DLGAP2: variants seen among roughly 807,000 people sequenced by gnomAD.
DLGAP2 encodes DLG associated protein 2, also known as disks large-associated protein 2.
DLGAP2 carries 26 observed loss-of-function variants against 100.3 expected under a neutral mutation model. The ratio of observed to expected loss-of-function variants is 0.26; its 90% CI spans 0.19 to 0.36. DLGAP2 has a LOEUF of 0.36. DLGAP2 is among the 10% of genes least tolerant of loss of function. DLGAP2 has a pLI of 1.00. For synonymous variants in DLGAP2, 886 were observed against 630.1 expected, an observed-to-expected ratio of 1.41 and a Z score of -6.08; for missense variants, 1,858 against 1,453.2, an observed-to-expected ratio of 1.28 and a Z score of -4.53.
intron 1 of DLGAP2, among the ~76,000 whole-genome samples, chr8:771,229 G>T (rs1477956411): frequency 6.6e-6 from 1 of 152,178 alleles, no homozygotes; most frequent in Non-Finnish European, 1.5e-5. Flanking sequence ...ACTTGCAAAT[G>T]TCCTTAAGAA....
At chr8:1,049,054 A>G (rs1437463522) in intron 2 of DLGAP2, among the ~76,000 whole-genome samples, 1 of 152,242 alleles carries the variant, frequency 6.6e-6, no homozygotes, top group Non-Finnish European at 1.5e-5. Flanking sequence ...TGTGTCTGTC[A>G]TTGACCAGTT....
At chr8:1,423,487 C>T (rs1007418820) in intron 3 of DLGAP2, among the ~76,000 whole-genome samples, 1 of 152,244 alleles carries the variant, frequency 6.6e-6, no homozygotes, top group Non-Finnish European at 1.5e-5. Flanking sequence ...GCTCCATGCA[C>T]TTCTGGCACC....
At chr8:776,731 C>G (rs1348407502) in intron 1 of DLGAP2, among the ~76,000 whole-genome samples, 1 of 152,166 alleles carries the variant, frequency 6.6e-6, no homozygotes, top group African/African-American at 2.4e-5. Context: ...CTTATAATTT[C>G]TGTTCTTTTA....
intron 12 of DLGAP2, among the ~76,000 whole-genome samples, chr8:1,683,639 G>A (rs1316053421): frequency 1.3e-5 from 2 of 149,516 alleles, no homozygotes; most frequent in Non-Finnish European, 3.0e-5. Flanking sequence ...GGGAGGAAGA[G>A]AGGGAAGCAG....
chr8:1,372,042 G>A (rs1802250526), intron 3 of DLGAP2, among the ~76,000 whole-genome samples: 1 of 152,212 alleles, frequency 6.6e-6, no homozygotes, highest in African/African-American at 2.4e-5. Flanking sequence ...TGTGCAGGTG[G>A]GGGGCCTGAG....
chr8:1,250,741 G>C (rs944570362), intron 2 of DLGAP2, among the ~76,000 whole-genome samples: 5 of 152,050 alleles, frequency 3.3e-5, no homozygotes, highest in Non-Finnish European at 7.4e-5. Context: ...AAAATGGAAT[G>C]AGACTTGAGT....
chr8:1,488,814 T>G (rs981349905), intron 3 of DLGAP2, among the ~76,000 whole-genome samples: 2 of 152,180 alleles, frequency 1.3e-5, no homozygotes, highest in Admixed American at 6.5e-5. Context: ...GTGACTATGA[T>G]GTCCAGAGAT....
intron 2 of DLGAP2, among the ~76,000 whole-genome samples, chr8:1,155,220 A>G (rs965868031): frequency 3.3e-5 from 5 of 152,116 alleles, no homozygotes; most frequent in Non-Finnish European, 7.3e-5. Flanking sequence ...CGCTTGCTGG[A>G]TGAGTGAACA....
At chr8:1,428,542 G>T (rs367767461) in intron 3 of DLGAP2, among the ~76,000 whole-genome samples, 1 of 151,932 alleles carries the variant, frequency 6.6e-6, no homozygotes, top group Non-Finnish European at 1.5e-5. Flanking sequence ...AATAAGAAAA[G>T]AAAATTATAG....
intron 1 of DLGAP2, among the ~76,000 whole-genome samples, chr8:770,808 T>G (rs1821336585): frequency 6.6e-6 from 1 of 152,178 alleles, no homozygotes; most frequent in African/African-American, 2.4e-5. Context: ...GTATTTCTGT[T>G]GTCCTTGATA....
chr8:1,497,963 T>G (rs1799599418), intron 3 of DLGAP2, among the ~76,000 whole-genome samples: 1 of 152,048 alleles, frequency 6.6e-6, no homozygotes, highest in Non-Finnish European at 1.5e-5. Flanking sequence ...ATGTGTCCAG[T>G]GTGGTCAAGA....
intron 3 of DLGAP2, among the ~76,000 whole-genome samples, chr8:1,332,068 G>C (rs112455133): frequency 1.5e-4 from 23 of 152,348 alleles, no homozygotes; most frequent in Non-Finnish European, 2.6e-4. Context: ...CTCTGTGAGG[G>C]GTTTCCATGG....
chr8:1,179,463 G>A (rs919032582), intron 2 of DLGAP2, among the ~76,000 whole-genome samples: 25 of 152,322 alleles, frequency 1.6e-4, no homozygotes, highest in African/African-American at 5.5e-4. Context: ...CTTCAGGAGC[G>A]TCCCCAGCAG....
At chr8:1,339,720 G>T (rs554222674) in intron 3 of DLGAP2, among the ~76,000 whole-genome samples, 1 of 152,140 alleles carries the variant, frequency 6.6e-6, no homozygotes, top group Non-Finnish European at 1.5e-5. Flanking sequence ...AGTCTCACCC[G>T]GGCGCATCAG....
chr8:1,555,099 G>C (rs1801915606), intron 5 of DLGAP2, among the ~76,000 whole-genome samples: 1 of 152,234 alleles, frequency 6.6e-6, no homozygotes, highest in Admixed American at 6.5e-5. Flanking sequence ...TGAATGGATA[G>C]GAGAGTTGGG....
rs773081201 is a variant in DLGAP2 at position 1,565,824 on chromosome 8, C to G, written c.1372C>G (p.Pro458Ala). ...GESDSSPKTS[P>A]KSAILPEPLL... ...GTCAGACTCCAGCCCCAAGACATCACCAAAGTCGGCAATCCTACCAGAGCC... is the reference window on the plus strand; with the variant it reads ...GTCAGACTCCAGCCCCAAGACATCAGCAAAGTCGGCAATCCTACCAGAGCC... The change falls in exon 6 of 15, where the codon CCA becomes GCA. Residue 458 changes from proline (P) to alanine (A), a missense_variant. Physicochemically the swap from Pro to Ala is conservative, Grantham distance 27. Coordinates refer to ENST00000637795, the MANE Select transcript of DLGAP2 (RefSeq NM_001346810.2). 6.2e-7 allele frequency: 1 copy of G among 1,613,670 alleles called. No individual in the cohort carries two copies. Among genetic ancestry groups the G allele is most frequent in the Non-Finnish European group, 8.5e-7 (1 of 1,179,770 alleles).
At chr8:1,099,549 G>A (rs181364377) in intron 2 of DLGAP2, among the ~76,000 whole-genome samples, 16 of 152,342 alleles carry the variant, frequency 1.1e-4, no homozygotes, top group African/African-American at 3.4e-4. Flanking sequence ...ATTAGAGGAG[G>A]GACTTCGTCC....
intron 2 of DLGAP2, among the ~76,000 whole-genome samples, chr8:934,736 C>G (rs569912147): frequency 6.6e-6 from 1 of 152,184 alleles, no homozygotes; most frequent in African/African-American, 2.4e-5. Flanking sequence ...CAGCCCTGTG[C>G]CGGCTCTCGG....
At position 1,015,033 on chromosome 8, in the gene DLGAP2, ACGG is replaced by A. The variant is rs199983921; in HGVS notation, c.73+107070_73+107072del. Among the ~76,000 whole-genome samples the A allele has an allele frequency of 1.5e-3, 12 of 7,854 alleles. 1 individual carries two copies. Among genetic ancestry groups the A allele is most frequent in the Admixed American group, 2.7e-3 (2 of 730 alleles). 5.2% of individuals were successfully genotyped at this position (7,854 alleles called of 152,430 possible). On this transcript the variant is annotated intron_variant, in intron 2 of 14. Coordinates refer to ENST00000637795, the MANE Select transcript of DLGAP2 (RefSeq NM_001346810.2). ...TCCACTGTGTGTGTGACCAGGACAG[ACGG>A]CGCCTCCACTGTGTGTGTGACCAGG...
Sources: allele counts gnomAD v4.1 joint callset (sites outside exome capture counted in the v4.1 genomes callset), GRCh38; gene constraint gnomAD v4.1.1; transcripts MANE v1.5; gene names NCBI Gene and HGNC (gene_info 2026-07-23, HGNC 2026-07-21).